Variants in ARHGEF10 observed in about 807,000 individuals in gnomAD.
The protein encoded by ARHGEF10 is Rho guanine nucleotide exchange factor (GEF) 10.
In ARHGEF10, 140 loss-of-function variants were observed where a neutral mutation model predicts 147.4. That is an observed-to-expected ratio of 0.95 (90% CI 0.83 to 1.09). ARHGEF10 has a LOEUF of 1.09. Among genes scored for constraint, ARHGEF10 ranks in the 50% least tolerant of loss-of-function variants. ARHGEF10 has a pLI of 0.00. For missense variants in ARHGEF10, 2,222 were observed against 1,752.7 expected, an observed-to-expected ratio of 1.27 and a Z score of -4.78; for synonymous variants, 902 against 695.8, an observed-to-expected ratio of 1.30 and a Z score of -4.67.
At chr8:1,885,233 C>T (rs926784474) in intron 10 of ARHGEF10, among the ~76,000 whole-genome samples, 2 of 152,114 alleles carry the variant, frequency 1.3e-5, no homozygotes, top group African/African-American at 4.8e-5. Flanking sequence ...GCTGTGTTTC[C>T]TTGTTTCTGA....
chr8:1,881,044 G>A (rs13258473), intron 9 of ARHGEF10, among the ~76,000 whole-genome samples: 20,555 of 152,144 alleles, frequency 0.14, 1,721 homozygotes, highest in South Asian at 0.29. Flanking sequence ...AGTGGAGGGC[G>A]CCATCAGAAC....
At chr8:1,858,187 T>TGTGAGTCACCAGGTGAGTCCCCAG in intron 3 of ARHGEF10, 72 bp downstream of exon 3, 3 of 1,037,922 alleles carry the variant, frequency 2.9e-6, no homozygotes, top group Non-Finnish European at 3.8e-6. Context: ...TGGGTCCCCA[T>TGTGAGTCACCAGGTGAGTCCCCAG]GTGAGTCACC....
chr8:1,944,544 A>G (rs1381586649), intron 26 of ARHGEF10, among the ~76,000 whole-genome samples: 1 of 152,204 alleles, frequency 6.6e-6, no homozygotes, highest in Non-Finnish European at 1.5e-5. Flanking sequence ...AGTCTCCACC[A>G]TGGGGGCTGT....
Position 1,957,075 on chromosome 8 carries a change from G to C in ARHGEF10, c.3847G>C (p.Asp1283His). Reference sequence around the variant, plus strand: ...CAGATCAGAGGACAGCACCATCTATGATCTCCTGAAGGATCCTGTCTCGCT... The same window carrying C: ...CAGATCAGAGGACAGCACCATCTATCATCTCCTGAAGGATCCTGTCTCGCT... ...EHRSEDSTIY[D>H]LLKDPVSLRS... The change falls in exon 29 of 29, where the codon GAT becomes CAT. Residue 1283 changes from aspartate (D) to histidine (H), a missense_variant. Physicochemically the swap from Asp to His is moderately conservative, Grantham distance 81 (BLOSUM62 -1). Coordinates refer to ENST00000349830, the MANE Select transcript of ARHGEF10 (RefSeq NM_014629.4). The C allele has an allele frequency of 6.2e-7, 1 of 1,613,644 alleles. No individual in the cohort carries two copies. Among genetic ancestry groups the C allele is most frequent in the Non-Finnish European group, 8.5e-7 (1 of 1,180,030 alleles).
intron 7 of ARHGEF10, among the ~76,000 whole-genome samples, chr8:1,874,592 T>C (rs1308214201): frequency 3.3e-5 from 5 of 152,128 alleles, no homozygotes; most frequent in African/African-American, 7.2e-5. Context: ...ACAGTCCAGA[T>C]ACATACCGGG....
In ARHGEF10 at chr8:1,916,214, C is replaced by T. The variant is rs1049884821; in HGVS notation, c.2143+6744C>T. Among the ~76,000 whole-genome samples, 7 of 152,082 alleles carry T rather than the reference C, an allele frequency of 4.6e-5. No homozygotes were observed. The East Asian group carries it at 1.2e-3, about 25-fold the overall frequency. The stretch of plus-strand genomic sequence containing the variant: ...CCTCTCTCTGTGTCCTAAGTGCAGA[C>T]GGCCAGCCACGGAAAGGTGCGCATG... On this transcript the variant is annotated intron_variant, in intron 18 of 28. Transcript: ENST00000349830.
chr8:1,883,610 G>A (rs907091486), intron 10 of ARHGEF10, among the ~76,000 whole-genome samples: 8 of 152,118 alleles, frequency 5.3e-5, no homozygotes, highest in Non-Finnish European at 7.3e-5. Flanking sequence ...TGAAGCCCTC[G>A]GCATCTCAGA....
intron 25 of ARHGEF10, among the ~76,000 whole-genome samples, chr8:1,932,320 T>TGCACACGTGATTGTGGG: frequency 6.6e-6 from 1 of 152,336 alleles, no homozygotes; most frequent in East Asian, 1.9e-4. Context: ...CATGTGTGTA[T>TGCACACGTGATTGTGGG]GCACACGTGA....
intron 15 of ARHGEF10, among the ~76,000 whole-genome samples, chr8:1,899,285 A>C (rs993011379): frequency 6.6e-6 from 1 of 152,222 alleles, no homozygotes; most frequent in Non-Finnish European, 1.5e-5. Context: ...AATGAATGCC[A>C]TGCCTCCAGG....
At chr8:1,911,981 A>G (rs1253500747) in intron 18 of ARHGEF10, among the ~76,000 whole-genome samples, 1 of 152,224 alleles carries the variant, frequency 6.6e-6, no homozygotes, top group East Asian at 1.9e-4. Context: ...CTCAGTCGAT[A>G]GTCATAGGAC....
intron 28 of ARHGEF10, among the ~76,000 whole-genome samples, chr8:1,954,393 T>C (rs1815310562): frequency 6.6e-6 from 1 of 152,098 alleles, no homozygotes; most frequent in Non-Finnish European, 1.5e-5. Context: ...TGAAAGGCAG[T>C]GCTCATTGGA....
intron 1 of ARHGEF10, among the ~76,000 whole-genome samples, chr8:1,837,808 T>C (rs553949477): frequency 2.0e-5 from 3 of 152,258 alleles, no homozygotes; most frequent in South Asian, 2.1e-4. Context: ...ATTACTAATG[T>C]TGGGCAGGTG....
intron 9 of ARHGEF10, among the ~76,000 whole-genome samples, chr8:1,881,447 G>C (rs1405240214): frequency 6.6e-6 from 1 of 152,248 alleles, no homozygotes; most frequent in Non-Finnish European, 1.5e-5. Flanking sequence ...GAAACGCGCA[G>C]GCGGGCAGGG....
At chr8:1,950,675 G>C (rs926073521) in intron 27 of ARHGEF10, among the ~76,000 whole-genome samples, 1 of 151,068 alleles carries the variant, frequency 6.6e-6, no homozygotes, top group Non-Finnish European at 1.5e-5. Context: ...GGGATAACAG[G>C]TGCCTACCAC....
rs1563233668 is a variant in ARHGEF10, at chr8:1,888,162, GCGAGGAGACA to G, written c.1182+2456_1182+2465del. Among the ~76,000 whole-genome samples the G allele has an allele frequency of 1.3e-4, 9 of 68,908 alleles. 2 individuals are homozygous for G. Among genetic ancestry groups the G allele is most frequent in the African/African-American group, 4.4e-4 (6 of 13,672 alleles). 45.2% of individuals were successfully genotyped at this position (68,908 alleles called of 152,430 possible). On this transcript the variant is annotated intron_variant, in intron 11 of 28. Transcript: ENST00000349830. The stretch of plus-strand genomic sequence containing the variant: ...GGAGACACTTAGTGGGGCGAGGGTT[GCGAGGAGACA>G]GTGAGTGGGGTGAGGGTTTGCGAGG...
chr8:1,958,396 T>C lies in ARHGEF10; in HGVS notation c.*1133T>C, dbSNP rs1815745168. 6.6e-6 allele frequency: 1 copy of C among 152,248 alleles called. No individual in the cohort carries two copies. The highest frequency in any genetic ancestry group is 1.5e-5 in the Non-Finnish European group (1 of 68,050). The allele number at this position is 152,248 out of a possible 1,614,324, so 9.4% of individuals were successfully genotyped here. The stretch of plus-strand genomic sequence containing the variant: ...GGTGCATACTTAGTGAGCGCCATCC[T>C]GCTGAACGTGTATTTCAGTGTTTCA... On this transcript the variant is annotated 3_prime_UTR_variant, in exon 29 of 29. Coordinates refer to ENST00000349830, the MANE Select transcript of ARHGEF10 (RefSeq NM_014629.4).
At chr8:1,898,600 C>A in intron 15 of ARHGEF10, 75 bp downstream of exon 15, 1 of 1,450,826 alleles carries the variant, frequency 6.9e-7, no homozygotes, top group South Asian at 1.2e-5. Flanking sequence ...GGCGTCTGTT[C>A]CTCCACTTTG....
intron 27 of ARHGEF10, among the ~76,000 whole-genome samples, chr8:1,951,083 GT>G (rs1815007900): frequency 1.3e-5 from 2 of 152,330 alleles, no homozygotes; most frequent in South Asian, 4.1e-4. Flanking sequence ...CCGGGTTCAG[GT>G]TTGATGCTGA....
chr8:1,921,743 A>G (rs1179521841), intron 18 of ARHGEF10, among the ~76,000 whole-genome samples: 1 of 151,674 alleles, frequency 6.6e-6, no homozygotes, highest in Non-Finnish European at 1.5e-5. Context: ...CTCAAAAAAA[A>G]AGAAAAAAGA....
Sources: gnomAD v4.1 joint callset for allele counts (sites outside exome capture counted in the v4.1 genomes callset) on GRCh38, gnomAD v4.1.1 for gene constraint, MANE v1.5 for transcripts, NCBI Gene and HGNC (gene_info 2026-07-23, HGNC 2026-07-21) for gene names.